The following CHD2 variants were observed in gnomAD, a reference collection of about 807,000 sequenced individuals.
CHD2 encodes chromodomain helicase DNA binding protein 2, also known as ATP-dependent chromatin remodeler CHD2.
Under a neutral mutation model 243.9 loss-of-function variants are expected in CHD2, and 28 were observed. The observed-to-expected ratio is 0.11, with a 90% confidence interval of 0.09 to 0.16. The LOEUF is 0.16. CHD2 is among the 10% of genes least tolerant of loss of function. The pLI is 1.00. For synonymous variants in CHD2, 775 were observed against 779.0 expected, an observed-to-expected ratio of 0.99 and a Z score of 0.09; for missense variants, 1,386 against 2,209.8, an observed-to-expected ratio of 0.63 and a Z score of 7.47.
In CHD2 at chr15:92,942,901, C is replaced by G; in HGVS notation, c.885C>G (p.Asp295Glu). 6.2e-7 allele frequency: 1 copy of G among 1,614,012 alleles called. No individual in the cohort carries two copies. Among genetic ancestry groups the G allele is most frequent in the Non-Finnish European group, 8.5e-7 (1 of 1,179,964 alleles). The change falls in exon 9 of 39, where the codon GAC becomes GAG. Residue 295 changes from aspartate to glutamate, a missense_variant. Physicochemically the swap from Asp to Glu is conservative, Grantham distance 45. This residue lies in a region of CHD2 where 200 missense variants were observed against 292.5 expected (regional missense o/e 0.68). Transcript: ENST00000394196. ...AIEANGDPSG[D>E]FDTEKDEGEI... ...AAGCTAATGGCGACCCTAGTGGTGA[C>G]TTTGACACTGAAAAGGATGAAGGTG...
intron 5 of CHD2, among the ~76,000 whole-genome samples, chr15:92,935,185 G>A (rs549331926): frequency 2.6e-5 from 4 of 151,974 alleles, no homozygotes; most frequent in African/African-American, 9.6e-5. Flanking sequence ...ACGGGCGCCC[G>A]CCACCACGCC....
At chr15:92,927,401 T>C in intron 4 of CHD2, 71 bp downstream of exon 4, 1 of 1,108,646 alleles carries the variant, frequency 9.0e-7, no homozygotes, top group Non-Finnish European at 1.4e-6. Flanking sequence ...GACTCTGGTA[T>C]GTATTACCAT....
At chr15:92,930,157 A>C (rs1297126853) in intron 5 of CHD2, among the ~76,000 whole-genome samples, 1 of 152,052 alleles carries the variant, frequency 6.6e-6, no homozygotes, top group Non-Finnish European at 1.5e-5. Flanking sequence ...TGCTTGGGAG[A>C]CTATTATCTG....
intron 2 of CHD2, among the ~76,000 whole-genome samples, chr15:92,922,036 G>A (rs75372200): frequency 6.6e-6 from 1 of 152,186 alleles, no homozygotes; most frequent in East Asian, 1.9e-4. Flanking sequence ...TAATTGTAAT[G>A]AGGTCTTGAA....
At chr15:92,987,089 T>C (rs548185220) in intron 26 of CHD2, among the ~76,000 whole-genome samples, 122 of 152,314 alleles carry the variant, frequency 8.0e-4, no homozygotes, top group African/African-American at 2.7e-3. Context: ...GTTACTCTTA[T>C]ATGATCCATT....
chr15:92,946,167 G>C lies in CHD2; in HGVS notation c.1328G>C (p.Ser443Thr), dbSNP rs756877014. ...IGKKFQNCID[S>T]FHSRNNSKTI... is the part of the protein sequence containing the mutation. ...AAGAAATTCCAGAATTGCATTGACA[G>C]CTTCCACAGTAGGAACAACTCAAAA... The change falls in exon 12 of 39, where the codon AGC becomes ACC. Residue 443 changes from serine (S) to threonine (T), a missense_variant. By Grantham distance (58) the Ser-to-Thr change is moderately conservative. Coordinates refer to ENST00000394196, the MANE Select transcript of CHD2 (RefSeq NM_001271.4). 1.2e-6 allele frequency: 2 copies of C among 1,613,700 alleles called. No individual in the cohort carries two copies. Among genetic ancestry groups the C allele is most frequent in the Non-Finnish European group, 1.7e-6 (2 of 1,179,722 alleles).
At chr15:92,923,598 G>T (rs1374238083) in intron 2 of CHD2, among the ~76,000 whole-genome samples, 1 of 127,978 alleles carries the variant, frequency 7.8e-6, no homozygotes, top group Non-Finnish European at 1.6e-5. Context: ...ACCAAGTCTC[G>T]CTCTGTCTCT....
chr15:92,935,038 CTTT>C (rs35542698), intron 5 of CHD2, among the ~76,000 whole-genome samples: 1 of 138,672 alleles, frequency 7.2e-6, no homozygotes. Flanking sequence ...TTCTTTCTTT[CTTT>C]TTTTTTTTTT....
Position 93,023,258 on chromosome 15 carries a change from A to C in CHD2, c.5154-1114A>C, listed in dbSNP as rs552110185. On this transcript the variant is annotated intron_variant, in intron 38 of 38. Transcript: ENST00000394196. Reference sequence around the variant, plus strand: ...TGGATTTGCCTGTTCTAGACATTTCATATAGAAAGAGTCATACAATATGTG... The same window carrying C: ...TGGATTTGCCTGTTCTAGACATTTCCTATAGAAAGAGTCATACAATATGTG... Among the ~76,000 whole-genome samples the C allele has an allele frequency of 2.0e-5, 3 of 152,368 alleles. No individual in the cohort carries two copies. The East Asian group carries it at 5.8e-4, about 29-fold the overall frequency.
At chr15:92,978,987 T>C in intron 21 of CHD2, 148 bp from the exon 22 acceptor site, 4 of 972,104 alleles carry the variant, frequency 4.1e-6, no homozygotes, top group Non-Finnish European at 4.5e-6. Flanking sequence ...AGCTGCCTGC[T>C]TGGATGGCTT....
chr15:92,940,886 A>G (rs1310661150), intron 7 of CHD2, among the ~76,000 whole-genome samples: 1 of 86,980 alleles, frequency 1.1e-5, no homozygotes, highest in Non-Finnish European at 2.4e-5. Flanking sequence ...ATATAAATAT[A>G]TATAAAAATA....
rs1247538409 is a variant in CHD2 at position 93,027,906 on chromosome 15, TTATA to T, written c.*3204_*3207del. On this transcript the variant is annotated 3_prime_UTR_variant, in exon 39 of 39. Transcript: ENST00000394196. ...TGATTTCTGATGTAAATAATGTTGT[TTATA>T]TAGTATGTATTAAATTTTCCTACAT... 1 of 152,688 alleles carries T rather than the reference TTATA, an allele frequency of 6.5e-6. No homozygotes were observed. The highest frequency in any genetic ancestry group is 2.4e-5 in the African/African-American group (1 of 41,466). The allele number at this position is 152,688 out of a possible 1,614,324, so 9.5% of individuals were successfully genotyped here.
chr15:92,968,708 G>A (rs1339373500), intron 17 of CHD2, among the ~76,000 whole-genome samples: 2 of 152,154 alleles, frequency 1.3e-5, no homozygotes, highest in Non-Finnish European at 2.9e-5. Context: ...CATTTTCAAA[G>A]GAAAAGATCT....
At chr15:93,014,426 A>G (rs533710285) in intron 36 of CHD2, among the ~76,000 whole-genome samples, 4 of 152,296 alleles carry the variant, frequency 2.6e-5, no homozygotes, top group African/African-American at 9.6e-5. Flanking sequence ...CCTACACCAT[A>G]CCCTGTACAG....
At chr15:92,947,153 A>G (rs947424212) in intron 12 of CHD2, 5 of 152,230 alleles carry the variant, frequency 3.3e-5, no homozygotes, top group Non-Finnish European at 5.9e-5. Context: ...TAATGGCACT[A>G]GAATTCTATC....
At chr15:92,910,463 G>A (rs1335159433) in intron 2 of CHD2, among the ~76,000 whole-genome samples, 1 of 152,096 alleles carries the variant, frequency 6.6e-6, no homozygotes, top group African/African-American at 2.4e-5. Context: ...CGCCGTCTCA[G>A]CTCATTGCAA....
rs1682544819 is a variant in CHD2, at chr15:92,900,781, A to G, written c.-115A>G. 5.1e-6 allele frequency: 2 copies of G among 395,328 alleles called. No individual in the cohort carries two copies. The highest frequency in any genetic ancestry group is 8.9e-6 in the Non-Finnish European group (2 of 224,932). 24.5% of individuals were successfully genotyped at this position (395,328 alleles called of 1,614,324 possible). A position where few individuals can be genotyped will look rare whatever the true frequency, so the allele number is the denominator to read the frequency against. On this transcript the variant is annotated 5_prime_UTR_variant, in exon 1 of 39. Transcript: ENST00000394196. ...ATTATTTGGGATCTGATATTTTTCT[A>G]CTAGTAGATAGGACTCTTGGTTTGG...
chr15:93,000,490 A>G (rs773706267), intron 31 of CHD2, 22 bp from the exon 32 acceptor site: 5 of 1,598,252 alleles, frequency 3.1e-6, no homozygotes, highest in Non-Finnish European at 3.4e-6. Flanking sequence ...TATTTTAATC[A>G]TCATTTTCTC....
At chr15:92,927,580 G>T (rs1258964015) in intron 4 of CHD2, among the ~76,000 whole-genome samples, 2 of 151,974 alleles carry the variant, frequency 1.3e-5, no homozygotes, top group Non-Finnish European at 2.9e-5. Flanking sequence ...CCTCAAAATG[G>T]TTTATTTTTT....
Sources: gnomAD v4.1 joint callset for allele counts (sites outside exome capture counted in the v4.1 genomes callset) on GRCh38, gnomAD v4.1.1 for gene constraint, gnomAD v4.1.1 regional missense constraint, MANE v1.5 for transcripts, NCBI Gene and HGNC (gene_info 2026-07-23, HGNC 2026-07-21) for gene names.